The following IMMP2L variants were observed in gnomAD, a reference collection of about 807,000 sequenced individuals.
IMMP2L encodes mitochondrial inner membrane protease subunit 2.
A neutral mutation model predicts 19.3 loss-of-function variants in IMMP2L; 18 were observed. The ratio of observed to expected loss-of-function variants is 0.93; its 90% CI spans 0.64 to 1.38. The LOEUF is 1.38. Among genes scored for constraint, IMMP2L ranks in the 40% most tolerant of loss-of-function variants. IMMP2L has a pLI of 0.00. For missense variants in IMMP2L, 233 were observed against 218.2 expected (o/e 1.07, Z -0.43); for synonymous variants, 76 against 73.0 (o/e 1.04, Z -0.21).
chr7:110,952,459 G>T (rs748232187), intron 4 of IMMP2L, among the ~76,000 whole-genome samples: 4 of 152,140 alleles, frequency 2.6e-5, no homozygotes, highest in Non-Finnish European at 5.9e-5. Flanking sequence ...AGCTCCAAGT[G>T]TGATCTGCTT....
At chr7:110,828,391 C>T (rs1236470474) in intron 5 of IMMP2L, among the ~76,000 whole-genome samples, 2 of 152,122 alleles carry the variant, frequency 1.3e-5, no homozygotes, top group East Asian at 3.9e-4. Context: ...TTTAATTCTA[C>T]CCTTGCTAAC....
chr7:110,982,439 A>G (rs1383793555), intron 3 of IMMP2L, among the ~76,000 whole-genome samples: 1 of 152,118 alleles, frequency 6.6e-6, no homozygotes, highest in East Asian at 1.9e-4. Context: ...TTAAGGGGAA[A>G]AAGACATAGA....
At chr7:110,886,977 C>T (rs115050469) in intron 4 of IMMP2L, among the ~76,000 whole-genome samples, 3,428 of 152,106 alleles carry the variant, frequency 0.023, 122 homozygotes, top group African/African-American at 0.077. Context: ...TCACAGTATT[C>T]TAAATATGTA....
chr7:110,937,614 T>C (rs1038430599), intron 4 of IMMP2L, among the ~76,000 whole-genome samples: 4 of 152,266 alleles, frequency 2.6e-5, no homozygotes, highest in South Asian at 2.1e-4. Context: ...TATTTTATGG[T>C]TCAACCCCCA....
chr7:111,447,212 C>A (rs1385458091), intron 3 of IMMP2L, among the ~76,000 whole-genome samples: 1 of 143,400 alleles, frequency 7.0e-6, no homozygotes, highest in Non-Finnish European at 1.5e-5. Flanking sequence ...GAGAACGCCA[C>A]AAAGATACTC....
At chr7:110,970,977 A>G (rs1023138880) in intron 3 of IMMP2L, among the ~76,000 whole-genome samples, 5 of 152,174 alleles carry the variant, frequency 3.3e-5, no homozygotes, top group African/African-American at 9.6e-5. Context: ...TCATACCACA[A>G]AACACCCTGA....
chr7:110,935,072 A>G (rs1216234725), intron 4 of IMMP2L, among the ~76,000 whole-genome samples: 1 of 152,168 alleles, frequency 6.6e-6, no homozygotes, highest in Admixed American at 6.5e-5. Flanking sequence ...CCATTAGTTG[A>G]TGCAGTTCCT....
chr7:111,129,969 A>G (rs576499459), intron 3 of IMMP2L, among the ~76,000 whole-genome samples: 1 of 152,298 alleles, frequency 6.6e-6, no homozygotes. Context: ...CATTTCATTT[A>G]CAATATACAC....
chr7:111,287,342 G>A (rs761095862), intron 3 of IMMP2L, among the ~76,000 whole-genome samples: 2 of 152,068 alleles, frequency 1.3e-5, no homozygotes, highest in Non-Finnish European at 2.9e-5. Context: ...TATTTACTAA[G>A]CAATCAGGAA....
At chr7:110,930,361 A>T (rs1815333530) in intron 4 of IMMP2L, among the ~76,000 whole-genome samples, 1 of 151,942 alleles carries the variant, frequency 6.6e-6, no homozygotes, top group Admixed American at 6.6e-5. Flanking sequence ...AGGAGCAGAC[A>T]GCCTTGTACC....
intron 3 of IMMP2L, among the ~76,000 whole-genome samples, chr7:111,170,624 A>C (rs989101157): frequency 2.6e-5 from 4 of 151,800 alleles, no homozygotes; most frequent in African/African-American, 9.7e-5. Context: ...TAATCCTACA[A>C]ATCGACACAT....
In IMMP2L at chr7:110,878,957, T is replaced by G. The variant is rs576486810; in HGVS notation, c.408+7636A>C. 5.8e-4 allele frequency among the ~76,000 whole-genome samples: 88 copies of G among 152,302 alleles called. 1 individual carries two copies. The highest frequency in any genetic ancestry group is 2.1e-3 in the African/African-American group (87 of 41,576). On this transcript the variant is annotated intron_variant, in intron 5 of 5. Transcript: ENST00000405709. ...ACAGTTTGCTAACTTAATTTATAGT[T>G]AAATGTTAAATATTTAGACATGTAG...
intron 5 of IMMP2L, among the ~76,000 whole-genome samples, chr7:110,744,628 C>A (rs1381446102): frequency 3.3e-5 from 5 of 152,216 alleles, no homozygotes; most frequent in Non-Finnish European, 7.3e-5. Flanking sequence ...GGACCTCCAG[C>A]AAACTCCAGC....
Position 110,876,901 on chromosome 7 carries a change from A to C in IMMP2L, c.408+9692T>G, listed in dbSNP as rs75314346. On this transcript the variant is annotated intron_variant, in intron 5 of 5. Transcript: ENST00000405709. The stretch of plus-strand genomic sequence containing the variant: ...CTTCTAGATAATGTTCAAATTTCTG[A>C]CTTTCCTATTAACAGCCAGACATAA... Among the ~76,000 whole-genome samples, 575 of 152,230 alleles carry C rather than the reference A, an allele frequency of 3.8e-3. 4 individuals carry two copies. Among genetic ancestry groups the C allele is most frequent in the South Asian group, 0.018 (89 of 4,818 alleles).
At chr7:111,507,041 C>T (rs1432393214) in intron 2 of IMMP2L, among the ~76,000 whole-genome samples, 1 of 151,936 alleles carries the variant, frequency 6.6e-6, no homozygotes. Context: ...AGAGTTTCGC[C>T]AGTTGCCCAG....
At chr7:111,336,840 T>G (rs1043240272) in intron 3 of IMMP2L, among the ~76,000 whole-genome samples, 8 of 142,734 alleles carry the variant, frequency 5.6e-5, no homozygotes, top group African/African-American at 2.2e-4. Context: ...GAAGTAGACT[T>G]TTTTTTTTTT....
At chr7:111,433,690 G>C (rs1224152057) in intron 3 of IMMP2L, among the ~76,000 whole-genome samples, 1 of 151,554 alleles carries the variant, frequency 6.6e-6, no homozygotes, top group African/African-American at 2.4e-5. Context: ...CCCTTGAAAC[G>C]TGAGGATATT....
At chr7:110,932,640 C>T (rs1049808015) in intron 4 of IMMP2L, among the ~76,000 whole-genome samples, 1 of 152,160 alleles carries the variant, frequency 6.6e-6, no homozygotes, top group African/African-American at 2.4e-5. Flanking sequence ...AGGCGTGAGC[C>T]AATGGTCCCA....
chr7:110,672,476 T>C (rs1455135833), intron 5 of IMMP2L, among the ~76,000 whole-genome samples: 1 of 152,154 alleles, frequency 6.6e-6, no homozygotes, highest in East Asian at 1.9e-4. Flanking sequence ...AACACAATCG[T>C]GTCTTTCCAA....
Sources: allele counts gnomAD v4.1 joint callset (sites outside exome capture counted in the v4.1 genomes callset), GRCh38; gene constraint gnomAD v4.1.1; transcripts MANE v1.5; gene names NCBI Gene and HGNC (gene_info 2026-07-23, HGNC 2026-07-21).